The following SCARF2 variants were observed in gnomAD, a reference collection of about 807,000 sequenced individuals.
SCARF2 encodes the protein scavenger receptor class F member 2.
Under a neutral mutation model 73.4 loss-of-function variants are expected in SCARF2, and 39 were observed. That is an observed-to-expected ratio of 0.53 (90% CI 0.41 to 0.69). SCARF2 has a LOEUF of 0.69. SCARF2 is among the 30% of genes least tolerant of loss of function. The pLI is 0.00. For synonymous variants in SCARF2, 605 were observed against 590.0 expected (o/e 1.03, Z -0.37); for missense variants, 1,148 against 1,303.5 (o/e 0.88, Z 1.84).
At position 20,429,929 on chromosome 22, in the gene SCARF2, T is replaced by C; in HGVS notation, c.1203-96A>G. The C allele has an allele frequency of 7.9e-7, 1 of 1,259,032 alleles. No individual in the cohort carries two copies. Among genetic ancestry groups the C allele is most frequent in the Non-Finnish European group, 1.1e-6 (1 of 898,492 alleles). 78.0% of individuals were successfully genotyped at this position (1,259,032 alleles called of 1,614,324 possible). On this transcript the variant is annotated intron_variant, in intron 6 of 10. Coordinates refer to ENST00000622235, the MANE Select transcript of SCARF2 (RefSeq NM_182895.5). This position sits in a 1 kb window ranked among gnomAD's most constrained non-coding sequence, Gnocchi z 5.2. ...CGCGGCCAGGGCCCAGGGTCCAGGGTCCCAGAACCGGGCTCTCTCTCGCTG... is the reference window on the plus strand; with the variant it reads ...CGCGGCCAGGGCCCAGGGTCCAGGGCCCCAGAACCGGGCTCTCTCTCGCTG...
chr22:20,432,026 T>TC (rs979855483), intron 1 of SCARF2, 38 bp from the exon 2 acceptor site: 1 of 1,581,056 alleles, frequency 6.3e-7, no homozygotes, highest in Non-Finnish European at 8.6e-7. Flanking sequence ...CCGATGCCCC[T>TC]CCCCCAGCCC....
chr22:20,427,870 T>TGG (rs1314437966), intron 9 of SCARF2, among the ~76,000 whole-genome samples: 1 of 152,232 alleles, frequency 6.6e-6, no homozygotes, highest in Admixed American at 6.5e-5. Context: ...AGAAGACACC[T>TGG]GGCTGGGACA....
chr22:20,429,873 C>G lies in SCARF2; in HGVS notation c.1203-40G>C. 1 of 1,592,732 alleles carries G rather than the reference C, an allele frequency of 6.3e-7. No homozygotes were observed. Among genetic ancestry groups the G allele is most frequent in the Non-Finnish European group, 8.6e-7 (1 of 1,169,066 alleles). On this transcript the variant is annotated intron_variant, in intron 6 of 10. Transcript: ENST00000622235. The surrounding 1 kb of genome is among the most constrained non-coding windows in gnomAD (Gnocchi z 5.2). ...GGTCAAGGCATGCCACAGCCGCCCC[C>G]CTAGGATGCCCCCTACCCTCACCCC... is the stretch of plus-strand genomic sequence containing the variant.
intron 1 of SCARF2, among the ~76,000 whole-genome samples, chr22:20,437,259 T>A (rs2052710526): frequency 6.6e-6 from 1 of 152,230 alleles, no homozygotes. Flanking sequence ...CTTCCCCAGC[T>A]TTTCCCCGTG....
chr22:20,435,669 T>C (rs1056263672), intron 1 of SCARF2, among the ~76,000 whole-genome samples: 10 of 152,204 alleles, frequency 6.6e-5, no homozygotes. Flanking sequence ...CGTGCTCTTC[T>C]GCAGGCCTGT....
Position 20,429,864 on chromosome 22 carries a change from A to G in SCARF2, c.1203-31T>C. The G allele has an allele frequency of 6.2e-7, 1 of 1,606,264 alleles. No homozygotes were observed. Among genetic ancestry groups the G allele is most frequent in the South Asian group, 1.1e-5 (1 of 90,722 alleles). On this transcript the variant is annotated intron_variant, in intron 6 of 10. Coordinates refer to ENST00000622235, the MANE Select transcript of SCARF2 (RefSeq NM_182895.5). This position sits in a 1 kb window ranked among gnomAD's most constrained non-coding sequence, Gnocchi z 5.2. ...GGGACATAGGGTCAAGGCATGCCAC[A>G]GCCGCCCCCCTAGGATGCCCCCTAC...
At chr22:20,427,350 G>A (rs767290510) in intron 10 of SCARF2, 48 bp downstream of exon 10, 3 of 1,610,050 alleles carry the variant, frequency 1.9e-6, no homozygotes, top group East Asian at 2.2e-5. Context: ...CTTTTCCATG[G>A]GAACATTTCA....
chr22:20,429,980 C>T lies in SCARF2; in HGVS notation c.1203-147G>A. ...CATTCGTCGTCTAGGGATTGAAGCC[C>T]CGCCCCGCCCGTGGCACATATTGGG... is the stretch of plus-strand genomic sequence containing the variant. On this transcript the variant is annotated intron_variant, in intron 6 of 10. Transcript: ENST00000622235. This position sits in a 1 kb window ranked among gnomAD's most constrained non-coding sequence, Gnocchi z 5.2. 1 of 752,408 alleles carries T rather than the reference C, an allele frequency of 1.3e-6. No individual in the cohort carries two copies. Among genetic ancestry groups the T allele is most frequent in the Non-Finnish European group, 2.2e-6 (1 of 460,224 alleles). 46.6% of individuals were successfully genotyped at this position (752,408 alleles called of 1,614,324 possible).
Position 20,425,793 on chromosome 22 carries a change from T to G in SCARF2, c.2183A>C (p.Glu728Ala), listed in dbSNP as rs1161626812. 2.1e-6 allele frequency: 3 copies of G among 1,461,376 alleles called. No homozygotes were observed. The highest frequency in any genetic ancestry group is 2.7e-6 in the Non-Finnish European group (3 of 1,111,104). The allele number at this position is 1,461,376 out of a possible 1,614,324, so 90.5% of individuals were successfully genotyped here. A position where few individuals can be genotyped will look rare whatever the true frequency, so the allele number is the denominator to read the frequency against. The part of the protein sequence containing the change: ...DPTPRPPGLP[E>A]EATALAAPSP... ...GGGCGCAGCGAGGGCTGTCGCCTCCTCGGGCAGCCCGGGGGGCCGCGGCGT... is the reference window on the plus strand; with the variant it reads ...GGGCGCAGCGAGGGCTGTCGCCTCCGCGGGCAGCCCGGGGGGCCGCGGCGT... The change falls in exon 11 of 11, where the codon GAG becomes GCG. Residue 728 changes from glutamate to alanine, a missense_variant. This residue lies in a region of SCARF2 where 437 missense variants were observed against 433.6 expected (regional missense o/e 1.01). Coordinates refer to ENST00000622235, the MANE Select transcript of SCARF2 (RefSeq NM_182895.5). The surrounding 1 kb of genome is among the most constrained non-coding windows in gnomAD (Gnocchi z 4.6).
intron 1 of SCARF2, among the ~76,000 whole-genome samples, chr22:20,436,737 C>A (rs908444150): frequency 6.6e-6 from 1 of 152,162 alleles, no homozygotes; most frequent in African/African-American, 2.4e-5. Context: ...CTCACCCCTG[C>A]GTGGAGATGC....
At chr22:20,428,297 CTCTTT>C (rs1327037319) in intron 9 of SCARF2, among the ~76,000 whole-genome samples, 1 of 129,694 alleles carries the variant, frequency 7.7e-6, no homozygotes, top group Non-Finnish European at 1.6e-5. Flanking sequence ...CTCTTCTCTT[CTCTTT>C]TTTCTTGACA....
chr22:20,426,346 G>A (rs2052578784), intron 10 of SCARF2, 64 bp from the exon 11 acceptor site: 2 of 1,509,036 alleles, frequency 1.3e-6, no homozygotes, highest in Non-Finnish European at 1.8e-6. Context: ...CCAACCTCCA[G>A]GCGCAAACCT....
intron 10 of SCARF2, among the ~76,000 whole-genome samples, chr22:20,426,819 C>T (rs1199430246): frequency 1.1e-4 from 17 of 151,858 alleles, no homozygotes; most frequent in African/African-American, 3.6e-4. Flanking sequence ...CCCAGCTACT[C>T]GGGAGGCTGA....
Position 20,426,001 on chromosome 22 carries a change from G to A in SCARF2, c.1975C>T (p.Pro659Ser), listed in dbSNP as rs1323356535. 6.9e-6 allele frequency: 11 copies of A among 1,584,650 alleles called. No individual in the cohort carries two copies. Among genetic ancestry groups the A allele is most frequent in the Non-Finnish European group, 8.5e-6 (10 of 1,172,064 alleles). The change falls in exon 11 of 11, where the codon CCC (proline) becomes TCC (serine). Residue 659 changes from proline to serine, a missense_variant. By Grantham distance (74) the Pro-to-Ser change is moderately conservative. Transcript: ENST00000622235. Reference protein sequence around the residue: ...PERRKPPPPDPATKPKVSWIH... With the variant: ...PERRKPPPPDSATKPKVSWIH... ...CAGGACACCTTAGGCTTGGTGGCGGGGTCAGGTGGCGGCGGTTTCCTGCGC... is the reference window on the plus strand; with the variant it reads ...CAGGACACCTTAGGCTTGGTGGCGGAGTCAGGTGGCGGCGGTTTCCTGCGC...
At position 20,437,688 on chromosome 22, in the gene SCARF2, G is replaced by T; in HGVS notation, c.67C>A (p.Pro23Thr). ...AGCAGCAGCAGCGACGGCAGCAGCGGTGACGGCGGCCCCCCGGCTCCCCGG... is the reference window on the plus strand; with the variant it reads ...AGCAGCAGCAGCGACGGCAGCAGCGTTGACGGCGGCCCCCCGGCTCCCCGG... ...RRRGAGGPPSPLLPSLLLLLL... is the reference protein window; with the variant it reads ...RRRGAGGPPSTLLPSLLLLLL... Residue 23 changes from proline (P) to threonine (T), a missense_variant, in exon 1 of 11, where the codon CCG (proline) becomes ACG (threonine). By Grantham distance (38) the Pro-to-Thr change is conservative. Transcript: ENST00000622235. 6.8e-7 allele frequency: 1 copy of T among 1,480,036 alleles called. No individual in the cohort carries two copies. The allele number at this position is 1,480,036 out of a possible 1,614,324, so 91.7% of individuals were successfully genotyped here.
chr22:20,428,431 A>G (rs1167716443), intron 9 of SCARF2, among the ~76,000 whole-genome samples: 3 of 151,914 alleles, frequency 2.0e-5, no homozygotes, highest in Non-Finnish European at 4.4e-5. Flanking sequence ...CAGCCTCCAG[A>G]GTAGCTGGGA....
chr22:20,431,386 C>T lies in SCARF2; in HGVS notation c.486G>A (p.Thr162=), dbSNP rs1047448911. The T allele has an allele frequency of 9.8e-6, 15 of 1,526,572 alleles. No individual in the cohort carries two copies. In the African/African-American group the frequency reaches 1.7e-4, roughly 17 times the overall value. 94.6% of individuals were successfully genotyped at this position (1,526,572 alleles called of 1,614,324 possible). Residue 162 remains threonine (T), a synonymous_variant, in exon 4 of 11, where the codon ACG becomes ACA. Coordinates refer to ENST00000622235, the MANE Select transcript of SCARF2 (RefSeq NM_182895.5). ...CEHACQCQHG[T]CHPRSGACRC... is the part of the protein sequence containing the mutation. ...GGCACGCGCCGCTCCGCGGGTGGCA[C>T]GTGCCGTGCTGGCACTGGCACGCAT...
chr22:20,434,332 G>C (rs556617750), intron 1 of SCARF2, among the ~76,000 whole-genome samples: 14 of 152,296 alleles, frequency 9.2e-5, no homozygotes, highest in African/African-American at 3.4e-4. Context: ...GAGAGACAGA[G>C]AAAGACGACA....
In SCARF2 at chr22:20,429,839, G is replaced by A. The variant is rs765126512; in HGVS notation, c.1203-6C>T. ...GCGGGCACGTCACGTTACAGCTGCCGGGACATAGGGTCAAGGCATGCCACA... is the reference window on the plus strand; with the variant it reads ...GCGGGCACGTCACGTTACAGCTGCCAGGACATAGGGTCAAGGCATGCCACA... On this transcript the variant is annotated splice_polypyrimidine_tract_variant and splice_region_variant and intron_variant, in intron 6 of 10. Coordinates refer to ENST00000622235, the MANE Select transcript of SCARF2 (RefSeq NM_182895.5). This position sits in a 1 kb window ranked among gnomAD's most constrained non-coding sequence, Gnocchi z 5.2. 29 of 1,611,896 alleles carry A rather than the reference G, an allele frequency of 1.8e-5. No homozygotes were observed. The South Asian group carries it at 3.0e-4, about 16-fold the overall frequency.
Sources: allele counts gnomAD v4.1 joint callset (sites outside exome capture counted in the v4.1 genomes callset), GRCh38; gene constraint gnomAD v4.1.1; regional missense constraint gnomAD v4.1.1; non-coding constraint Gnocchi (gnomAD v3.1); transcripts MANE v1.5; gene names NCBI Gene and HGNC (gene_info 2026-07-23, HGNC 2026-07-21).